WRN: variants seen among roughly 807,000 people sequenced by gnomAD.
WRN encodes WRN RecQ like helicase.
A neutral mutation model predicts 180.7 loss-of-function variants in WRN; 149 were observed. The ratio of observed to expected loss-of-function variants is 0.82; its 90% CI spans 0.72 to 0.94. The LOEUF (loss-of-function observed/expected upper bound fraction) is 0.94. Among genes scored for constraint, WRN ranks in the 40% least tolerant of loss-of-function variants. The pLI is 0.00. For synonymous variants in WRN, 548 were observed against 568.9 expected, an observed-to-expected ratio of 0.96 and a Z score of 0.52; for missense variants, 1,661 against 1,700.1, an observed-to-expected ratio of 0.98 and a Z score of 0.40.
At chr8:31,075,099 C>G (rs2725383) in intron 7 of WRN, among the ~76,000 whole-genome samples, 116,401 of 152,100 alleles carry the variant, frequency 0.77, 44,911 homozygotes, top group East Asian at 0.87. Flanking sequence ...GGATGTTGAA[C>G]TCACTGGCAG....
At chr8:31,133,234 G>A (rs1802255600) in intron 24 of WRN, among the ~76,000 whole-genome samples, 1 of 152,128 alleles carries the variant, frequency 6.6e-6, no homozygotes, top group Non-Finnish European at 1.5e-5. Context: ...CACTGATAAT[G>A]GCTGAATAAA....
chr8:31,041,799 A>T (rs181688575), intron 1 of WRN, among the ~76,000 whole-genome samples: 1 of 152,318 alleles, frequency 6.6e-6, no homozygotes, highest in East Asian at 1.9e-4. Flanking sequence ...GGTGGTCACA[A>T]ATTTAAGGTG....
At chr8:31,131,743 A>T (rs536693182) in intron 23 of WRN, 115 of 152,922 alleles carry the variant, frequency 7.5e-4, no homozygotes, top group Non-Finnish European at 1.3e-3. Flanking sequence ...ACTGCACCAC[A>T]GTTTAAGATG....
chr8:31,070,624 G>C (rs1812877502), intron 7 of WRN, among the ~76,000 whole-genome samples: 1 of 152,088 alleles, frequency 6.6e-6, no homozygotes, highest in South Asian at 2.1e-4. Context: ...AGGGAGATGA[G>C]TCTTATGTCA....
Position 31,147,047 on chromosome 8 carries a change from T to G in WRN, c.3384-6T>G. On this transcript the variant is annotated splice_polypyrimidine_tract_variant and splice_region_variant and intron_variant, in intron 28 of 34. Transcript: ENST00000298139. Reference sequence around the variant, plus strand: ...TTTATTATTTATTTTCTTTTAAATATTTTAGTATCATGGTACAGTCACCAG... The same window carrying G: ...TTTATTATTTATTTTCTTTTAAATAGTTTAGTATCATGGTACAGTCACCAG... The G allele has an allele frequency of 6.2e-7, 1 of 1,607,300 alleles. No individual in the cohort carries two copies. Among genetic ancestry groups the G allele is most frequent in the Non-Finnish European group, 8.5e-7 (1 of 1,175,710 alleles).
At chr8:31,039,613 A>G (rs1267169351) in intron 1 of WRN, among the ~76,000 whole-genome samples, 2 of 152,138 alleles carry the variant, frequency 1.3e-5, no homozygotes, top group Non-Finnish European at 1.5e-5. Context: ...GAAAGTGGGT[A>G]TCTTTGTCTT....
At chr8:31,034,565 T>C (rs1041596271) in intron 1 of WRN, among the ~76,000 whole-genome samples, 2 of 152,110 alleles carry the variant, frequency 1.3e-5, no homozygotes, top group Non-Finnish European at 2.9e-5. Context: ...AGGGGTGGGA[T>C]ATTGGGATAA....
At position 31,090,857 on chromosome 8, in the gene WRN, C is replaced by T. The variant is rs757808169; in HGVS notation, c.1744C>T (p.Gln582Ter). ...AGGATATGGAAAGAGTTTGTGCTTC[C>T]AGTATCCACCTGTTTATGTAGGCAA... ...ATGYGKSLCF[Q>*]YPPVYVGKIG... The change falls in exon 15 of 35, where the codon CAG becomes TAG. Residue 582 changes from glutamine to a stop codon, truncating the protein, a stop_gained. Coordinates refer to ENST00000298139, the MANE Select transcript of WRN (RefSeq NM_000553.6). LOFTEE classifies it high-confidence loss of function. 1 of 1,609,420 alleles carries T rather than the reference C, an allele frequency of 6.2e-7. No individual in the cohort carries two copies. Among genetic ancestry groups the T allele is most frequent in the South Asian group, 1.1e-5 (1 of 90,040 alleles).
chr8:31,146,721 C>T lies in WRN; in HGVS notation c.3384-332C>T, dbSNP rs144172649. Among the ~76,000 whole-genome samples, 7 of 152,256 alleles carry T rather than the reference C, an allele frequency of 4.6e-5. No homozygotes were observed. The East Asian group carries it at 5.8e-4, about 13-fold the overall frequency. ...TGTTGTATCCCAGTAAGTTAAAAGA[C>T]GTTAACGTGTCATCTTCAGTATGGA... is the stretch of plus-strand genomic sequence containing the variant. On this transcript the variant is annotated intron_variant, in intron 28 of 34. Coordinates refer to ENST00000298139, the MANE Select transcript of WRN (RefSeq NM_000553.6).
intron 18 of WRN, among the ~76,000 whole-genome samples, chr8:31,106,589 C>T (rs930999412): frequency 2.0e-5 from 3 of 152,098 alleles, no homozygotes; most frequent in African/African-American, 7.2e-5. Flanking sequence ...ATACGTTTCC[C>T]CCACATTGTC....
chr8:31,061,511 A>T (rs1812482317), intron 3 of WRN, among the ~76,000 whole-genome samples: 1 of 134,112 alleles, frequency 7.5e-6, no homozygotes, highest in African/African-American at 2.8e-5. Flanking sequence ...TTTCCTGTTT[A>T]TTCCTACAGC....
chr8:31,161,755 C>T (rs924338719), intron 33 of WRN, among the ~76,000 whole-genome samples: 7 of 143,800 alleles, frequency 4.9e-5, no homozygotes, highest in African/African-American at 1.8e-4. Context: ...AGGAGAATTG[C>T]TTGAACCCAG....
chr8:31,035,527 G>C (rs1811419759), intron 1 of WRN, among the ~76,000 whole-genome samples: 2 of 152,144 alleles, frequency 1.3e-5, no homozygotes, highest in Admixed American at 1.3e-4. Flanking sequence ...AGGCCAGAAA[G>C]GGAAAGGGGC....
chr8:31,095,195 T>G (rs930418629), intron 16 of WRN, among the ~76,000 whole-genome samples: 1 of 152,186 alleles, frequency 6.6e-6, no homozygotes, highest in South Asian at 2.1e-4. Context: ...CTAATTATAT[T>G]GAGCATTTTT....
chr8:31,059,335 G>T, intron 3 of WRN, 70 bp downstream of exon 3: 1 of 1,278,196 alleles, frequency 7.8e-7, no homozygotes, highest in Non-Finnish European at 1.1e-6. Context: ...GGTAATGTTT[G>T]TGAATATACT....
At chr8:31,115,160 TGCTGGGATTACAG>T (rs1801472609) in intron 19 of WRN, among the ~76,000 whole-genome samples, 1 of 152,208 alleles carries the variant, frequency 6.6e-6, no homozygotes, top group African/African-American at 2.4e-5. Context: ...CATCCCAAAG[TGCTGGGATTACAG>T]GCGTGAGCCA....
chr8:31,066,256 G>A (rs573361411), intron 5 of WRN, among the ~76,000 whole-genome samples: 3 of 152,112 alleles, frequency 2.0e-5, no homozygotes, highest in South Asian at 2.1e-4. Context: ...TGCAATCTTG[G>A]CTCACTGAAA....
At chr8:31,067,284 A>G in intron 6 of WRN, 102 bp downstream of exon 6, 1 of 1,317,744 alleles carries the variant, frequency 7.6e-7, no homozygotes, top group Non-Finnish European at 1.1e-6. Context: ...AACTCTACCA[A>G]AATATTTTAT....
At chr8:31,157,337 C>T (rs1179791659) in intron 32 of WRN, 31 bp from the exon 33 acceptor site, 2 of 1,612,408 alleles carry the variant, frequency 1.2e-6, no homozygotes, top group East Asian at 2.2e-5. Context: ...ACTTTTACAA[C>T]TCACTGGGTT....
Sources: gnomAD v4.1 joint callset for allele counts (sites outside exome capture counted in the v4.1 genomes callset) on GRCh38, gnomAD v4.1.1 for gene constraint, MANE v1.5 for transcripts, NCBI Gene and HGNC (gene_info 2026-07-23, HGNC 2026-07-21) for gene names.